RSRC1: variants seen among roughly 807,000 people sequenced by gnomAD.
RSRC1 encodes serine/Arginine-related protein 53.
In RSRC1, 39 loss-of-function variants were observed where a neutral mutation model predicts 49.1. The observed-to-expected ratio is 0.79, with a 90% CI of 0.61 to 1.04. The LOEUF (loss-of-function observed/expected upper bound fraction) is 1.04, where lower values mean the gene tolerates loss of function less well. Ranked by LOEUF, RSRC1 falls within the 50% of genes least tolerant of loss-of-function variation. The pLI is 0.00. For missense variants in RSRC1, 388 were observed against 402.4 expected (o/e 0.96, Z 0.31); for synonymous variants, 143 against 130.8 (o/e 1.09, Z -0.63).
chr3:158,458,277 G>A (rs1737446402), intron 6 of RSRC1, among the ~76,000 whole-genome samples: 4 of 152,024 alleles, frequency 2.6e-5, no homozygotes, highest in African/African-American at 9.7e-5. Context: ...TCAATAAATA[G>A]CATGTATACA....
At chr3:158,492,077 C>T (rs1027997889) in intron 7 of RSRC1, among the ~76,000 whole-genome samples, 16 of 152,182 alleles carry the variant, frequency 1.1e-4, no homozygotes, top group Admixed American at 2.6e-4. Context: ...AAGGCAAAGG[C>T]GAAGCAAGGC....
At chr3:158,442,740 A>G (rs1197782694) in intron 6 of RSRC1, among the ~76,000 whole-genome samples, 1 of 152,112 alleles carries the variant, frequency 6.6e-6, no homozygotes, top group East Asian at 1.9e-4. Flanking sequence ...GAAGTCCATC[A>G]GAGGACTTTC....
intron 3 of RSRC1, among the ~76,000 whole-genome samples, chr3:158,133,538 T>C (rs997530176): frequency 2.0e-5 from 3 of 152,252 alleles, no homozygotes; most frequent in Non-Finnish European, 2.9e-5. Flanking sequence ...TAGTTTGTTT[T>C]ACTGAGCATT....
chr3:158,253,990 C>T (rs1214484191), intron 4 of RSRC1, among the ~76,000 whole-genome samples: 1 of 152,088 alleles, frequency 6.6e-6, no homozygotes, highest in Non-Finnish European at 1.5e-5. Flanking sequence ...TGTTCAATTC[C>T]CAACTGTAAG....
At chr3:158,388,611 T>TG (rs1190409627) in intron 6 of RSRC1, among the ~76,000 whole-genome samples, 2 of 88,516 alleles carry the variant, frequency 2.3e-5, no homozygotes, top group African/African-American at 9.2e-5. Context: ...CCGTGTTTTT[T>TG]GTTTTTTTTT....
chr3:158,205,268 G>T (rs922118063), intron 4 of RSRC1, among the ~76,000 whole-genome samples: 8 of 152,014 alleles, frequency 5.3e-5, no homozygotes, highest in African/African-American at 1.9e-4. Context: ...TAGTGCTGAG[G>T]TGCACACAGA....
In RSRC1 at chr3:158,544,210, G is replaced by GA. The variant is rs1357096742; in HGVS notation, c.945dup (p.Trp316MetfsTer33). The GA allele has an allele frequency of 6.2e-7, 1 of 1,612,260 alleles. No individual in the cohort carries two copies. The highest frequency in any genetic ancestry group is 1.3e-5 in the African/African-American group (1 of 74,822). ...ATTTATCGAGAAAGCTGATGCTGAG[G>GA]AAAAATGGTTCAAGAGATTAATTGC... On this transcript the variant is annotated frameshift_variant, in exon 10 of 10. Transcript: ENST00000611884. LOFTEE classifies it high-confidence loss of function.
At chr3:158,542,817 G>T (rs991556636) in intron 8 of RSRC1, among the ~76,000 whole-genome samples, 3 of 152,034 alleles carry the variant, frequency 2.0e-5, no homozygotes, top group African/African-American at 7.2e-5. Context: ...AAATTGTATG[G>T]TATATGAATT....
intron 6 of RSRC1, among the ~76,000 whole-genome samples, chr3:158,376,223 A>C (rs1440443633): frequency 1.8e-4 from 21 of 115,268 alleles, no homozygotes; most frequent in East Asian, 5.1e-4. Context: ...ACAGAGTCTC[A>C]CTCTGTCACC....
At chr3:158,185,119 T>A (rs1286698026) in intron 3 of RSRC1, among the ~76,000 whole-genome samples, 5 of 152,010 alleles carry the variant, frequency 3.3e-5, no homozygotes, top group African/African-American at 1.2e-4. Flanking sequence ...TTGATACTTT[T>A]TAAATTCCAA....
At chr3:158,135,942 G>C (rs1257213143) in intron 3 of RSRC1, among the ~76,000 whole-genome samples, 2 of 152,142 alleles carry the variant, frequency 1.3e-5, no homozygotes, top group African/African-American at 2.4e-5. Context: ...CTTAGGCTGG[G>C]ATTTCCTTAG....
intron 6 of RSRC1, among the ~76,000 whole-genome samples, chr3:158,375,623 A>T (rs1444764521): frequency 6.6e-6 from 1 of 152,204 alleles, no homozygotes; most frequent in Non-Finnish European, 1.5e-5. Context: ...ATAATTATAA[A>T]TAAATTGTAT....
intron 8 of RSRC1, among the ~76,000 whole-genome samples, chr3:158,540,563 A>T (rs1038207221): frequency 1.2e-4 from 18 of 151,636 alleles, no homozygotes; most frequent in South Asian, 4.2e-4. Flanking sequence ...TTTTAATTGA[A>T]TAAAACACAT....
intron 4 of RSRC1, among the ~76,000 whole-genome samples, chr3:158,234,855 A>G (rs976753112): frequency 1.3e-5 from 2 of 152,156 alleles, no homozygotes; most frequent in African/African-American, 4.8e-5. Context: ...GTAAGTTCCT[A>G]TGCATGGATG....
chr3:158,111,995 C>T lies in RSRC1; in HGVS notation c.-3+1772C>T, dbSNP rs73164067. On this transcript the variant is annotated intron_variant, in intron 1 of 9. Coordinates refer to ENST00000611884, the MANE Select transcript of RSRC1 (RefSeq NM_001271838.2). ...AGATATTTCTGTAAATTGATCTCCT[C>T]CTGTAGTCATTACATGCCATGGCTT... 4.2e-3 allele frequency among the ~76,000 whole-genome samples: 646 copies of T among 152,312 alleles called. 2 individuals are homozygous for T. The highest frequency in any genetic ancestry group is 6.8e-3 in the Middle Eastern group (2 of 294).
At chr3:158,155,038 A>G (rs1717778425) in intron 3 of RSRC1, among the ~76,000 whole-genome samples, 1 of 151,950 alleles carries the variant, frequency 6.6e-6, no homozygotes, top group Non-Finnish European at 1.5e-5. Flanking sequence ...TGTTATTGCC[A>G]CCACACCTGC....
chr3:158,386,626 G>T (rs1000362134), intron 6 of RSRC1, among the ~76,000 whole-genome samples: 10 of 151,900 alleles, frequency 6.6e-5, no homozygotes, highest in Admixed American at 2.0e-4. Context: ...ATTTGTATTG[G>T]GGGGAAAAGG....
At chr3:158,177,957 T>G (rs771135363) in intron 3 of RSRC1, among the ~76,000 whole-genome samples, 1 of 152,154 alleles carries the variant, frequency 6.6e-6, no homozygotes, top group Non-Finnish European at 1.5e-5. Context: ...TGACACAAAA[T>G]TTTCTATTTT....
At chr3:158,194,933 T>C (rs1720487250) in intron 3 of RSRC1, among the ~76,000 whole-genome samples, 1 of 152,184 alleles carries the variant, frequency 6.6e-6, no homozygotes. Flanking sequence ...GTCTTTGCTA[T>C]TGTGCATAGT....
Sources: allele counts gnomAD v4.1 joint callset (sites outside exome capture counted in the v4.1 genomes callset), GRCh38; gene constraint gnomAD v4.1.1; transcripts MANE v1.5; gene names NCBI Gene and HGNC (gene_info 2026-07-23, HGNC 2026-07-21).